PTPN3: variants seen among roughly 807,000 people sequenced by gnomAD.
PTPN3 encodes the protein tyrosine-protein phosphatase non-receptor type 3.
PTPN3 carries 96 observed loss-of-function variants against 132.7 expected under a neutral mutation model. The ratio of observed to expected loss-of-function variants is 0.72; its 90% CI spans 0.61 to 0.86. PTPN3 has a LOEUF of 0.86. PTPN3 is among the 40% of genes least tolerant of loss of function. PTPN3 has a pLI of 0.00. For missense variants in PTPN3, 1,125 were observed against 1,159.6 expected (o/e 0.97, Z 0.43); for synonymous variants, 398 against 429.0 (o/e 0.93, Z 0.89).
At chr9:109,403,542 A>G (rs1038501637) in intron 19 of PTPN3, among the ~76,000 whole-genome samples, 1 of 152,050 alleles carries the variant, frequency 6.6e-6, no homozygotes, top group African/African-American at 2.4e-5. Flanking sequence ...CTACTTTTAA[A>G]TAAATTTGGG....
At chr9:109,450,868 A>C in intron 5 of PTPN3, 2 of 985,312 alleles carry the variant, frequency 2.0e-6, no homozygotes, top group Non-Finnish European at 1.2e-6. Flanking sequence ...CTAGATCCTT[A>C]ACAAACAAAC....
intron 1 of PTPN3, among the ~76,000 whole-genome samples, chr9:109,490,573 A>G (rs1847413301): frequency 6.6e-6 from 1 of 152,136 alleles, no homozygotes; most frequent in Non-Finnish European, 1.5e-5. Flanking sequence ...TCCCGTCTCT[A>G]CTAAAAATAC....
chr9:109,477,134 C>T (rs1005993152), intron 1 of PTPN3, among the ~76,000 whole-genome samples: 3 of 152,178 alleles, frequency 2.0e-5, no homozygotes, highest in Non-Finnish European at 4.4e-5. Context: ...CACTGATCCA[C>T]GTGACTGGGA....
chr9:109,469,012 C>T (rs537178491), intron 1 of PTPN3, among the ~76,000 whole-genome samples: 22 of 152,286 alleles, frequency 1.4e-4, no homozygotes, highest in Admixed American at 6.5e-4. Context: ...ATATGTGATA[C>T]ATCTTTGAGC....
At chr9:109,534,632 C>A in the PTPN3 span, among the ~76,000 whole-genome samples, 18 of 108,724 alleles carry the variant, frequency 1.7e-4, no homozygotes, top group South Asian at 7.4e-4. Flanking sequence ...CAAAAAAATA[C>A]AAAAAAAAAA....
At position 109,457,334 on chromosome 9, in the gene PTPN3, T is replaced by C. The variant is rs150949930; in HGVS notation, c.204A>G (p.Glu68=). ...VHNHLGVTEK[E]YFGLQHDDDS... is the part of the protein sequence containing the mutation. ...CGTCATCATGCTGTAAACCAAAATA[T>C]TCCTTTTCAGTCACACCCAGGTGGT... The change falls in exon 3 of 26, where the codon GAA becomes GAG. Residue 68 remains glutamate (E), a synonymous_variant. Transcript: ENST00000374541. 669 of 1,614,194 alleles carry C rather than the reference T, an allele frequency of 4.1e-4. No homozygotes were observed. Among genetic ancestry groups the C allele is most frequent in the Non-Finnish European group, 5.5e-4 (646 of 1,180,030 alleles).
At chr9:109,513,972 C>T in the PTPN3 span, among the ~76,000 whole-genome samples, 1 of 152,192 alleles carries the variant, frequency 6.6e-6, no homozygotes, top group African/African-American at 2.4e-5. Flanking sequence ...TCAAGCTTAA[C>T]AAGCCCCAAG....
chr9:109,446,649 T>A lies in PTPN3; in HGVS notation c.414-1357A>T, dbSNP rs550135389. Among the ~76,000 whole-genome samples the A allele has an allele frequency of 3.9e-5, 6 of 152,244 alleles. No individual in the cohort carries two copies. The South Asian group carries it at 1.2e-3, about 32-fold the overall frequency. ...CCTTGCTGGAGAAAGAGGAGGTGAA[T>A]GGGATTTGGGGAACAACTTAGAAAA... On this transcript the variant is annotated intron_variant, in intron 6 of 25. Coordinates refer to ENST00000374541, the MANE Select transcript of PTPN3 (RefSeq NM_002829.4).
intron 2 of PTPN3, among the ~76,000 whole-genome samples, chr9:109,458,081 G>A (rs1845657778): frequency 6.6e-6 from 1 of 152,202 alleles, no homozygotes; most frequent in Admixed American, 6.5e-5. Context: ...ATGGGGACAC[G>A]GCCATAAGAA....
intron 14 of PTPN3, among the ~76,000 whole-genome samples, chr9:109,411,132 T>C (rs983350028): frequency 2.0e-5 from 3 of 152,344 alleles, no homozygotes; most frequent in Non-Finnish European, 2.9e-5. Flanking sequence ...TATGAGACAG[T>C]GCAGTCAGAG....
intron 7 of PTPN3, among the ~76,000 whole-genome samples, chr9:109,439,027 C>T (rs1844259190): frequency 6.6e-6 from 1 of 152,128 alleles, no homozygotes; most frequent in African/African-American, 2.4e-5. Flanking sequence ...CCCTTGAGAC[C>T]CTTGACTGTT....
At chr9:109,532,000 A>G in the PTPN3 span, among the ~76,000 whole-genome samples, 1 of 152,242 alleles carries the variant, frequency 6.6e-6, no homozygotes, top group East Asian at 1.9e-4. Flanking sequence ...ATACCAAAGA[A>G]TGCCTGAGTT....
chr9:109,503,769 C>T, the PTPN3 span, among the ~76,000 whole-genome samples: 2 of 151,718 alleles, frequency 1.3e-5, no homozygotes, highest in African/African-American at 4.8e-5. Context: ...GGGATTTTGT[C>T]TGTAAAACTG....
intron 8 of PTPN3, 131 bp from the exon 9 acceptor site, chr9:109,437,101 C>T: frequency 7.1e-7 from 1 of 1,406,540 alleles, no homozygotes; most frequent in South Asian, 1.4e-5. Flanking sequence ...CAATCTTCAG[C>T]AATCTAATGC....
chr9:109,456,786 C>T lies in PTPN3; in HGVS notation c.289+387G>A, dbSNP rs138683138. ...TACTTATGGTTCGGTTTTCCGTGAA[C>T]GCGACTATGCTGTTGGAAAGTATGA... On this transcript the variant is annotated intron_variant, in intron 4 of 25. Coordinates refer to ENST00000374541, the MANE Select transcript of PTPN3 (RefSeq NM_002829.4). Among the ~76,000 whole-genome samples, 40 of 152,222 alleles carry T rather than the reference C, an allele frequency of 2.6e-4. 1 individual carries two copies. In the East Asian group the frequency reaches 7.1e-3, roughly 27 times the overall value.
At chr9:109,496,930 A>G (rs1847695535) in intron 1 of PTPN3, among the ~76,000 whole-genome samples, 2 of 152,166 alleles carry the variant, frequency 1.3e-5, no homozygotes, top group South Asian at 4.1e-4. Flanking sequence ...TGGATTTGGG[A>G]GCTTTTTAAA....
At chr9:109,534,105 G>A in the PTPN3 span, 1 of 783,732 alleles carries the variant, frequency 1.3e-6, no homozygotes, top group East Asian at 2.5e-5. Flanking sequence ...CATTCCTGTT[G>A]ATGAAAGCAT....
At chr9:109,517,225 G>A in the PTPN3 span, among the ~76,000 whole-genome samples, 1 of 152,120 alleles carries the variant, frequency 6.6e-6, no homozygotes, top group Non-Finnish European at 1.5e-5. Flanking sequence ...CCCAAGCAAG[G>A]ACCATTTTTA....
chr9:109,496,591 T>C (rs1392048516), intron 1 of PTPN3, among the ~76,000 whole-genome samples: 1 of 152,234 alleles, frequency 6.6e-6, no homozygotes, highest in African/African-American at 2.4e-5. Flanking sequence ...CAGGTGAATG[T>C]ACTCTGTAAG....
Sources: allele counts gnomAD v4.1 joint callset (sites outside exome capture counted in the v4.1 genomes callset), GRCh38; gene constraint gnomAD v4.1.1; transcripts MANE v1.5; gene names NCBI Gene and HGNC (gene_info 2026-07-23, HGNC 2026-07-21).